Variants in ZNF469 observed in about 807,000 individuals in gnomAD.
ZNF469 encodes zinc finger protein 469.
In ZNF469, 1 loss-of-function variant was observed where a neutral mutation model predicts 1.0. The observed-to-expected ratio is 1.00, with a 90% CI of 0.35 to 4.73. The LOEUF is 4.73. Ranked by LOEUF, ZNF469 falls within the 30% of genes most tolerant of loss-of-function variation. The pLI, the probability that ZNF469 is intolerant of heterozygous loss-of-function variation, is 0.16. For synonymous variants in ZNF469, 2,703 were observed against 2,363.4 expected (o/e 1.14, Z -4.17); for missense variants, 6,100 against 5,356.3 (o/e 1.14, Z -4.33).
the ZNF469 span, among the ~76,000 whole-genome samples, chr16:88,331,195 TCACCAC>T: frequency 7.1e-6 from 1 of 141,394 alleles, no homozygotes; most frequent in Admixed American, 6.9e-5. Context: ...GTCGTCACCA[TCACCAC>T]CACCATCACA....
chr16:88,256,900 T>TTCTCTCTCTCTCTCTCTC, the ZNF469 span, among the ~76,000 whole-genome samples: 6 of 18,148 alleles, frequency 3.3e-4, no homozygotes, highest in African/African-American at 1.1e-3. Context: ...CTTTCCTTCT[T>TTCTCTCTCTCTCTCTCTC]TCTTTCTTTC....
chr16:88,349,202 G>A, the ZNF469 span, among the ~76,000 whole-genome samples: 3 of 152,154 alleles, frequency 2.0e-5, no homozygotes, highest in Admixed American at 6.5e-5. Flanking sequence ...CTTCCCCGAC[G>A]GAGCAGGAAA....
the ZNF469 span, among the ~76,000 whole-genome samples, chr16:88,197,343 G>C: frequency 6.7e-3 from 1,014 of 152,288 alleles, 10 homozygotes; most frequent in African/African-American, 0.023. Flanking sequence ...GAGCAGGAGC[G>C]AGCAGGGGCA....
the ZNF469 span, among the ~76,000 whole-genome samples, chr16:88,138,923 T>C: frequency 6.6e-6 from 1 of 152,234 alleles, no homozygotes; most frequent in Non-Finnish European, 1.5e-5. Context: ...CTATTCACCA[T>C]TCGGCTGCCT....
At chr16:88,380,279 A>G (rs566651007), upstream of ZNF469, among the ~76,000 whole-genome samples, 2 of 112,524 alleles carry the variant, frequency 1.8e-5, no homozygotes, top group Non-Finnish European at 3.2e-5. Context: ...ACACACCCAG[A>G]CATGCACACA....
chr16:88,318,860 C>A, the ZNF469 span, among the ~76,000 whole-genome samples: 1 of 152,270 alleles, frequency 6.6e-6, no homozygotes, highest in African/African-American at 2.4e-5. Context: ...GGCCATCATG[C>A]AAACAGCTTG....
the ZNF469 span, among the ~76,000 whole-genome samples, chr16:88,292,262 G>A: frequency 2.0e-5 from 3 of 152,180 alleles, no homozygotes; most frequent in South Asian, 2.1e-4. Context: ...GACAGCAGCC[G>A]ATGCTTGGGT....
the ZNF469 span, among the ~76,000 whole-genome samples, chr16:88,367,195 G>A: frequency 6.6e-6 from 1 of 152,220 alleles, no homozygotes; most frequent in Admixed American, 6.5e-5. Flanking sequence ...AGCTCCAACT[G>A]TATACCAAGT....
the ZNF469 span, among the ~76,000 whole-genome samples, chr16:88,226,150 C>G: frequency 6.6e-6 from 1 of 152,174 alleles, no homozygotes; most frequent in Admixed American, 6.5e-5. Flanking sequence ...GTGGAGGGTG[C>G]TAAACGTCTT....
the ZNF469 span, among the ~76,000 whole-genome samples, chr16:88,275,659 G>A: frequency 6.6e-6 from 1 of 152,188 alleles, no homozygotes. Context: ...TGGTGTCCAG[G>A]CTGCTGGCTC....
At position 88,429,999 on chromosome 16, in the gene ZNF469, C is replaced by T. The variant is rs2142301855; in HGVS notation, c.2529C>T (p.Leu843=). Residue 843 remains leucine, a synonymous_variant, in exon 3 of 3, where the codon CTC becomes CTT. Transcript: ENST00000565624. ...DMEDDAKLDS[L]ITEALNGMEY... ...AGGATGACGCCAAGCTGGACAGCCT[C>T]ATCACAGAGGCGCTCAACGGCATGG... is the stretch of plus-strand genomic sequence containing the variant. 6.5e-7 allele frequency: 1 copy of T among 1,550,364 alleles called. No homozygotes were observed. Among genetic ancestry groups the T allele is most frequent in the Non-Finnish European group, 8.7e-7 (1 of 1,146,962 alleles).
rs1906265353 is a variant in ZNF469, at chr16:88,432,433, G to T, written c.4963G>T (p.Gly1655Trp). ...CGTGGAAGCGGTTCAGGGGAGGCCT[G>T]GGGGGACGTGGCCCTGCCCAGCCTC... is the stretch of plus-strand genomic sequence containing the variant. ...ATVEAVQGRPGGTWPCPASFH... is the reference protein window; with the variant it reads ...ATVEAVQGRPWGTWPCPASFH... Residue 1655 changes from glycine to tryptophan, a missense_variant, in exon 3 of 3, where the codon GGG becomes TGG. Transcript: ENST00000565624. 1 of 1,550,000 alleles carries T rather than the reference G, an allele frequency of 6.5e-7. No individual in the cohort carries two copies. The highest frequency in any genetic ancestry group is 8.7e-7 in the Non-Finnish European group (1 of 1,146,918).
the ZNF469 span, among the ~76,000 whole-genome samples, chr16:88,123,142 C>T: frequency 1.3e-5 from 2 of 152,152 alleles, no homozygotes; most frequent in Admixed American, 6.5e-5. Flanking sequence ...AGCACCATCC[C>T]GAGACTACCC....
the ZNF469 span, among the ~76,000 whole-genome samples, chr16:88,276,004 A>G: frequency 3.3e-5 from 5 of 152,154 alleles, no homozygotes; most frequent in East Asian, 9.6e-4. Context: ...CCCCGGCAGG[A>G]CCACAGCGCT....
chr16:88,380,485 G>GCA (rs560861930), upstream of ZNF469, among the ~76,000 whole-genome samples: 7 of 95,568 alleles, frequency 7.3e-5, no homozygotes, highest in East Asian at 3.4e-4. Flanking sequence ...ACACATACGT[G>GCA]CACACACACA....
In ZNF469 at chr16:88,428,316, G is replaced by A; in HGVS notation, c.846G>A (p.Gly282=). ...SFQFPFPALH[G]ASTKPFPADV... is the part of the protein sequence containing the mutation. ...AGTTCCCCTTCCCGGCACTGCATGG[G>A]GCCAGCACAAAACCCTTCCCTGCGG... Residue 282 remains glycine (G), a synonymous_variant, in exon 3 of 3, where the codon GGG becomes GGA. Coordinates refer to ENST00000565624, the MANE Select transcript of ZNF469 (RefSeq NM_001367624.2). 1.3e-6 allele frequency: 2 copies of A among 1,550,208 alleles called. No homozygotes were observed. The highest frequency in any genetic ancestry group is 2.4e-5 in the South Asian group (2 of 84,068).
intron 1 of ZNF469, among the ~76,000 whole-genome samples, chr16:88,391,234 T>C (rs549159861): frequency 1.7e-4 from 26 of 152,216 alleles, no homozygotes; most frequent in Non-Finnish European, 2.9e-4. Flanking sequence ...CAGGGCACCA[T>C]GTGCAGGGTC....
chr16:88,274,721 T>G, the ZNF469 span, among the ~76,000 whole-genome samples: 3 of 152,244 alleles, frequency 2.0e-5, no homozygotes, highest in African/African-American at 7.2e-5. Flanking sequence ...AGAATTCAGT[T>G]CAATTCTGCT....
At chr16:88,185,700 C>G in the ZNF469 span, among the ~76,000 whole-genome samples, 1 of 151,806 alleles carries the variant, frequency 6.6e-6, no homozygotes, top group East Asian at 1.9e-4. Context: ...CATTCGCACA[C>G]TCACACACGT....
Sources: allele counts gnomAD v4.1 joint callset (sites outside exome capture counted in the v4.1 genomes callset), GRCh38; gene constraint gnomAD v4.1.1; transcripts MANE v1.5; gene names NCBI Gene and HGNC (gene_info 2026-07-23, HGNC 2026-07-21).